ADH6: variants seen among roughly 807,000 people sequenced by gnomAD.
The protein encoded by ADH6 is alcohol dehydrogenase 6 (class V).
ADH6 carries 34 observed loss-of-function variants against 36.5 expected under a neutral mutation model. The ratio of observed to expected loss-of-function variants is 0.93; its 90% confidence interval spans 0.71 to 1.24. The LOEUF (loss-of-function observed/expected upper bound fraction) is 1.24, where lower values mean the gene tolerates loss of function less well. ADH6 is among the 50% of genes most tolerant of loss of function. The pLI is 0.00. For synonymous variants in ADH6, 161 were observed against 155.5 expected, an observed-to-expected ratio of 1.04 and a Z score of -0.26; for missense variants, 440 against 447.0, an observed-to-expected ratio of 0.98 and a Z score of 0.14.
chr4:99,213,774 G>C, intron 2 of ADH6, 27 bp from the exon 3 acceptor site: 2 of 1,542,520 alleles, frequency 1.3e-6, no homozygotes, highest in Non-Finnish European at 8.7e-7. Context: ...GGGTACTGCA[G>C]TTCCCGCTGT....
At chr4:99,214,470 C>T (rs1032863952) in intron 2 of ADH6, among the ~76,000 whole-genome samples, 1 of 152,022 alleles carries the variant, frequency 6.6e-6, no homozygotes, top group Non-Finnish European at 1.5e-5. Flanking sequence ...TAATTAAAAC[C>T]TTAATTTATT....
At chr4:99,214,388 T>C (rs79957345) in intron 2 of ADH6, among the ~76,000 whole-genome samples, 20 of 152,258 alleles carry the variant, frequency 1.3e-4, no homozygotes, top group African/African-American at 4.3e-4. Flanking sequence ...AGTGAGACCC[T>C]GTCTCTAAAA....
chr4:99,211,184 A>G (rs547774051), intron 3 of ADH6, among the ~76,000 whole-genome samples: 1 of 152,278 alleles, frequency 6.6e-6, no homozygotes, highest in Admixed American at 6.5e-5. Context: ...ACACATACAT[A>G]TGGTAAAAAT....
Position 99,204,198 on chromosome 4 carries a change from C to T in ADH6, c.*21G>A. 6.3e-7 allele frequency: 1 copy of T among 1,595,904 alleles called. No homozygotes were observed. Among genetic ancestry groups the T allele is most frequent in the Non-Finnish European group, 8.5e-7 (1 of 1,175,220 alleles). Reference sequence around the variant, plus strand: ...TGAGTTGGTGAAATATCCTTTGGGTCTTGCATGTATTACATTGTACTTAAA... The same window carrying T: ...TGAGTTGGTGAAATATCCTTTGGGTTTTGCATGTATTACATTGTACTTAAA... On this transcript the variant is annotated 3_prime_UTR_variant, in exon 9 of 9. Transcript: ENST00000394899.
At chr4:99,209,772 G>A (rs1731159018) in intron 5 of ADH6, among the ~76,000 whole-genome samples, 1 of 152,162 alleles carries the variant, frequency 6.6e-6, no homozygotes, top group Admixed American at 6.5e-5. Flanking sequence ...GGAAAGAAAG[G>A]ATAAACTGGA....
At chr4:99,210,030 T>C (rs1731167119) in intron 5 of ADH6, 52 bp downstream of exon 5, 1 of 1,575,108 alleles carries the variant, frequency 6.3e-7, no homozygotes, top group Non-Finnish European at 8.7e-7. Context: ...AAGAGGCCTT[T>C]CAACTCCATA....
intron 3 of ADH6, among the ~76,000 whole-genome samples, chr4:99,211,275 G>A (rs17028735): frequency 0.012 from 1,831 of 152,078 alleles, 35 homozygotes; most frequent in African/African-American, 0.041. Context: ...CAGTAACCAC[G>A]ATATTTTTCA....
rs1274914508 is a variant in ADH6 at position 99,202,680 on chromosome 4, C to T, written c.*1539G>A. On this transcript the variant is annotated 3_prime_UTR_variant, in exon 9 of 9. Coordinates refer to ENST00000394899, the MANE Select transcript of ADH6 (RefSeq NM_001102470.2). Reference sequence around the variant, plus strand: ...GCTTTATTGGAGCAAAGAGTGTGGACACTGTTTACAACAAAACGTTTCCGG... The same window carrying T: ...GCTTTATTGGAGCAAAGAGTGTGGATACTGTTTACAACAAAACGTTTCCGG... 1.5e-5 allele frequency: 6 copies of T among 395,918 alleles called. No homozygotes were observed. The highest frequency in any genetic ancestry group is 2.2e-5 in the Non-Finnish European group (5 of 225,540). The allele number at this position is 395,918 out of a possible 1,614,324, so 24.5% of individuals were successfully genotyped here. A position where few individuals can be genotyped will look rare whatever the true frequency, so the allele number is the denominator to read the frequency against.
At chr4:99,204,474 T>A (rs1176212633) in intron 8 of ADH6, 2 of 1,324,282 alleles carry the variant, frequency 1.5e-6, no homozygotes, top group Non-Finnish European at 1.9e-6. Context: ...AGTTTCTGGG[T>A]TATGGCTGGT....
At chr4:99,213,106 A>G (rs1459281446) in intron 3 of ADH6, among the ~76,000 whole-genome samples, 2 of 152,068 alleles carry the variant, frequency 1.3e-5, no homozygotes, top group African/African-American at 4.8e-5. Context: ...TGGCAACCCA[A>G]TTTACTTTTT....
chr4:99,208,572 A>G (rs916880489), intron 6 of ADH6, 96 bp downstream of exon 6: 2 of 1,386,882 alleles, frequency 1.4e-6, no homozygotes, highest in Non-Finnish European at 2.0e-6. Context: ...AATTAAATAG[A>G]GCAAAGTGGA....
At chr4:99,205,170 G>T in intron 7 of ADH6, 107 bp from the exon 8 acceptor site, 2 of 1,248,520 alleles carry the variant, frequency 1.6e-6, no homozygotes, top group Non-Finnish European at 2.2e-6. Context: ...GAAAATCTAA[G>T]CCTGTCCCGT....
chr4:99,205,139 G>A, intron 7 of ADH6, 76 bp from the exon 8 acceptor site: 1 of 1,444,644 alleles, frequency 6.9e-7, no homozygotes, highest in Non-Finnish European at 9.2e-7. Flanking sequence ...AGTAACTGCT[G>A]AAGTTGTTGG....
intron 2 of ADH6, among the ~76,000 whole-genome samples, chr4:99,215,508 AT>A (rs1731375532): frequency 6.6e-6 from 1 of 152,142 alleles, no homozygotes; most frequent in Non-Finnish European, 1.5e-5. Context: ...GGTTATCAGC[AT>A]TTTTCAAAGC....
At chr4:99,216,083 A>T in intron 2 of ADH6, 78 bp downstream of exon 2, 1 of 691,764 alleles carries the variant, frequency 1.4e-6, no homozygotes, top group South Asian at 2.9e-5. Flanking sequence ...GAATATCCGG[A>T]TAAGAATATG....
chr4:99,211,165 T>A (rs529450414), intron 3 of ADH6, among the ~76,000 whole-genome samples: 7 of 152,268 alleles, frequency 4.6e-5, no homozygotes, highest in East Asian at 3.9e-4. Flanking sequence ...TTTATTTTTT[T>A]AAAAAGTAAC....
rs115834601 is a variant in ADH6 at position 99,211,718 on chromosome 4, A to G, written c.263-1216T>C. 5.5e-3 allele frequency among the ~76,000 whole-genome samples: 834 copies of G among 152,304 alleles called. 12 individuals carry two copies. The highest frequency in any genetic ancestry group is 0.019 in the African/African-American group (807 of 41,580). Reference sequence around the variant, plus strand: ...GGTAATCACATGAGCCATCAAAAGAAGAAGAGCAGATGAAGGCAGAAGAGG... The same window carrying G: ...GGTAATCACATGAGCCATCAAAAGAGGAAGAGCAGATGAAGGCAGAAGAGG... On this transcript the variant is annotated intron_variant, in intron 3 of 8. Transcript: ENST00000394899.
intron 3 of ADH6, among the ~76,000 whole-genome samples, chr4:99,210,775 A>G (rs1731199154): frequency 6.6e-6 from 1 of 152,162 alleles, no homozygotes; most frequent in Non-Finnish European, 1.5e-5. Context: ...CAAGTATGAA[A>G]TAGTTTTTTG....
chr4:99,210,562 T>C, intron 3 of ADH6, 60 bp from the exon 4 acceptor site: 1 of 1,371,930 alleles, frequency 7.3e-7, no homozygotes, highest in Non-Finnish European at 1.0e-6. Context: ...GACATAGCTG[T>C]CTTTCAGGAT....
Sources: gnomAD v4.1 joint callset for allele counts (sites outside exome capture counted in the v4.1 genomes callset) on GRCh38, gnomAD v4.1.1 for gene constraint, MANE v1.5 for transcripts, NCBI Gene and HGNC (gene_info 2026-07-23, HGNC 2026-07-21) for gene names.